PTRH2: variants seen among roughly 807,000 people sequenced by gnomAD.
PTRH2 encodes peptidyl-tRNA hydrolase 2, mitochondrial.
Under a neutral mutation model 12.3 loss-of-function variants are expected in PTRH2, and 10 were observed. That is an observed-to-expected ratio of 0.81 (90% CI 0.50 to 1.38). The LOEUF is 1.38. Among genes scored for constraint, PTRH2 ranks in the 40% most tolerant of loss-of-function variants. PTRH2 has a pLI of 0.00. For missense variants in PTRH2, 176 were observed against 214.1 expected (o/e 0.82, Z 1.11); for synonymous variants, 73 against 77.4 (o/e 0.94, Z 0.30).
rs2033506414 is a variant in PTRH2, at chr17:59,699,040, GTT to G, written c.1-1064_1-1063del. 6.7e-6 allele frequency: 4 copies of G among 601,360 alleles called. No homozygotes were observed. The East Asian group carries it at 1.1e-4, about 17-fold the overall frequency. 37.3% of individuals were successfully genotyped at this position (601,360 alleles called of 1,614,324 possible). On this transcript the variant is annotated intron_variant, in intron 1 of 1. Coordinates refer to ENST00000393038, the MANE Select transcript of PTRH2 (RefSeq NM_016077.5). The stretch of plus-strand genomic sequence containing the variant: ...ATTGGGACATCAACACTAGTTGATG[GTT>G]TAGCAAGCATAGTGTTGTTCTTCAG...
chr17:59,698,670 C>T (rs2033496812), intron 1 of PTRH2: 2 of 536,068 alleles, frequency 3.7e-6, no homozygotes, highest in African/African-American at 1.9e-5. Flanking sequence ...ATTGAAAATA[C>T]TGTAAGCCAA....
At chr17:59,698,210 T>C (rs1285868902) in intron 1 of PTRH2, 1 of 537,472 alleles carries the variant, frequency 1.9e-6, no homozygotes, top group Non-Finnish European at 3.3e-6. Context: ...TGAATCTTGA[T>C]GTAAACGAAG....
At position 59,697,719 on chromosome 17, in the gene PTRH2, G is replaced by C. The variant is rs777157358; in HGVS notation, c.260C>G (p.Ser87Cys). ...MGKGKVAAQC[S>C]HAAVSAYKQI... is the part of the protein sequence containing the mutation. Reference sequence around the variant, plus strand: ...CTTGTAGGCTGAAACAGCAGCATGAGAGCACTGGGCAGCCACTTTCCCTTT... The same window carrying C: ...CTTGTAGGCTGAAACAGCAGCATGACAGCACTGGGCAGCCACTTTCCCTTT... Residue 87 changes from serine to cysteine, a missense_variant, in exon 2 of 2, where the codon TCT (serine) becomes TGT (cysteine). Ser to Cys is a moderately radical substitution (Grantham distance 112). Transcript: ENST00000393038. 2 of 1,614,178 alleles carry C rather than the reference G, an allele frequency of 1.2e-6. No homozygotes were observed. The highest frequency in any genetic ancestry group is 1.7e-6 in the Non-Finnish European group (2 of 1,180,036).
chr17:59,697,887 C>T lies in PTRH2; in HGVS notation c.92G>A (p.Trp31Ter), dbSNP rs1412981251. Residue 31 changes from tryptophan to a stop codon, truncating the protein, a stop_gained, in exon 2 of 2, where the codon TGG (tryptophan) becomes TAG (stop). Transcript: ENST00000393038. LOFTEE classifies it high-confidence loss of function. ...VGVACGMCLG[W>*]SLRVCFGMLP... The stretch of plus-strand genomic sequence containing the variant: ...CATCCCAAAGCATACTCGAAGGCTC[C>T]AGCCCAGGCACATGCCACAAGCAAC... 1 of 1,614,150 alleles carries T rather than the reference C, an allele frequency of 6.2e-7. No individual in the cohort carries two copies. The highest frequency in any genetic ancestry group is 8.5e-7 in the Non-Finnish European group (1 of 1,180,010).
Position 59,697,677 on chromosome 17 carries a change from T to TGA in PTRH2, c.301_302insTC (p.Asn101IlefsTer27), listed in dbSNP as rs1161600835. On this transcript the variant is annotated frameshift_variant, in exon 2 of 2. Transcript: ENST00000393038. LOFTEE classifies it high-confidence loss of function. ...TTCCCATTGTTTGAGCATTTCAGGA[T>TGA]TTCTTCTTTGAATCTGCTTGTAGGC... 6.2e-7 allele frequency: 1 copy of TGA among 1,614,214 alleles called. No homozygotes were observed. Among genetic ancestry groups the TGA allele is most frequent in the Non-Finnish European group, 8.5e-7 (1 of 1,180,038 alleles).
At chr17:59,706,673 TTC>T (rs1487019767) in intron 1 of PTRH2, among the ~76,000 whole-genome samples, 3 of 47,588 alleles carry the variant, frequency 6.3e-5, no homozygotes, top group Non-Finnish European at 1.1e-4. Flanking sequence ...AATTTTTTCT[TTC>T]TTTTTTTTTT....
chr17:59,698,709 C>G, intron 1 of PTRH2: 1 of 575,900 alleles, frequency 1.7e-6, no homozygotes, highest in Non-Finnish European at 3.1e-6. Flanking sequence ...TACAGAATAT[C>G]ATGACTTAGC....
intron 1 of PTRH2, among the ~76,000 whole-genome samples, chr17:59,705,179 T>C (rs1346153866): frequency 6.6e-6 from 1 of 152,190 alleles, no homozygotes; most frequent in African/African-American, 2.4e-5. Context: ...ATGTCAGCAA[T>C]TAGGATTCTC....
chr17:59,703,968 C>T (rs575575142), intron 1 of PTRH2, among the ~76,000 whole-genome samples: 11 of 149,316 alleles, frequency 7.4e-5, no homozygotes, highest in South Asian at 4.3e-4. Context: ...CTACCACACC[C>T]GGCTAATTTT....
intron 1 of PTRH2, among the ~76,000 whole-genome samples, chr17:59,706,533 T>C (rs762977112): frequency 1.3e-5 from 2 of 151,832 alleles, no homozygotes; most frequent in African/African-American, 2.4e-5. Context: ...TTCCCAAATC[T>C]TCTCTGACCC....
At position 59,698,152 on chromosome 17, in the gene PTRH2, T is replaced by C. The variant is rs1447374637; in HGVS notation, c.1-174A>G. ...CCAACACCCTCTTGCCCACCACCAG[T>C]GTACTAGAAAAGATTCAAGCATCCA... On this transcript the variant is annotated intron_variant, in intron 1 of 1. Transcript: ENST00000393038. 7.9e-6 allele frequency: 5 copies of C among 631,698 alleles called. No individual in the cohort carries two copies. The African/African-American group carries it at 9.2e-5, about 12-fold the overall frequency. The allele number at this position is 631,698 out of a possible 1,614,324, so 39.1% of individuals were successfully genotyped here. A position where few individuals can be genotyped will look rare whatever the true frequency, so the allele number is the denominator to read the frequency against.
At position 59,703,425 on chromosome 17, in the gene PTRH2, A is replaced by C. The variant is rs546774723; in HGVS notation, c.-1+3946T>G. ...TATAATTATGATCCCCATTTTTCGG[A>C]TGTAGAAAAATGAGGTACACAAGTT... On this transcript the variant is annotated intron_variant, in intron 1 of 1. Transcript: ENST00000393038. Among the ~76,000 whole-genome samples, 5 of 152,224 alleles carry C rather than the reference A, an allele frequency of 3.3e-5. No homozygotes were observed. In the South Asian group the frequency reaches 1.0e-3, roughly 32 times the overall value.
chr17:59,697,485 G>T lies in PTRH2; in HGVS notation c.494C>A (p.Pro165Gln), dbSNP rs765963465. 2 of 1,613,998 alleles carry T rather than the reference G, an allele frequency of 1.2e-6. No individual in the cohort carries two copies. Among genetic ancestry groups the T allele is most frequent in the East Asian group, 2.2e-5 (1 of 44,874 alleles). ...AGTGACTTTGTCAATTAGGTCTGCT[G>T]GTCCTGGCCCAATCCCTAGGACAGT... is the stretch of plus-strand genomic sequence containing the variant. Reference protein sequence around the residue: ...SQTVLGIGPGPADLIDKVTGH... With the variant: ...SQTVLGIGPGQADLIDKVTGH... Residue 165 changes from proline (P) to glutamine (Q), a missense_variant, in exon 2 of 2, where the codon CCA becomes CAA. By Grantham distance (76) the Pro-to-Gln change is moderately conservative. Transcript: ENST00000393038.
At chr17:59,702,865 A>G (rs1407436017) in intron 1 of PTRH2, among the ~76,000 whole-genome samples, 1 of 152,182 alleles carries the variant, frequency 6.6e-6, no homozygotes, top group East Asian at 1.9e-4. Context: ...TATTCAACGA[A>G]TTACATGAGA....
chr17:59,699,473 C>A (rs560043248), intron 1 of PTRH2: 1 of 153,950 alleles, frequency 6.5e-6, no homozygotes, highest in Admixed American at 6.4e-5. Context: ...AGCGCTGGAA[C>A]CATCCATGAC....
chr17:59,699,298 C>T (rs201643263), intron 1 of PTRH2: 16 of 172,828 alleles, frequency 9.3e-5, no homozygotes, highest in African/African-American at 3.3e-4. Context: ...ACTGCCTCAA[C>T]GCCTTTACCT....
In PTRH2 at chr17:59,697,537, G is replaced by A. The variant is rs538467110; in HGVS notation, c.442C>T (p.Arg148Cys). Residue 148 changes from arginine (R) to cysteine (C), a missense_variant, in exon 2 of 2, where the codon CGT (arginine) becomes TGT (cysteine). Physicochemically the swap from Arg to Cys is radical, Grantham distance 180. Coordinates refer to ENST00000393038, the MANE Select transcript of PTRH2 (RefSeq NM_016077.5). Reference protein sequence around the residue: ...LTVSLIQDAGRTQIAPGSQTV... With the variant: ...LTVSLIQDAGCTQIAPGSQTV... Reference sequence around the variant, plus strand: ...TGAGAGCCTGGTGCAATCTGAGTACGTCCAGCATCTTGAATTAAACTTACA... The same window carrying A: ...TGAGAGCCTGGTGCAATCTGAGTACATCCAGCATCTTGAATTAAACTTACA... 48 of 1,614,020 alleles carry A rather than the reference G, an allele frequency of 3.0e-5. No homozygotes were observed. The highest frequency in any genetic ancestry group is 4.4e-5 in the South Asian group (4 of 91,090).
At chr17:59,699,272 G>A (rs1360477025) in intron 1 of PTRH2, 1 of 183,286 alleles carries the variant, frequency 5.5e-6, no homozygotes, top group Non-Finnish European at 1.2e-5. Flanking sequence ...TAGGTGCCGT[G>A]GGTGTAACTT....
intron 1 of PTRH2, among the ~76,000 whole-genome samples, chr17:59,702,876 T>C (rs1207696012): frequency 1.3e-5 from 2 of 152,222 alleles, no homozygotes; most frequent in African/African-American, 2.4e-5. Context: ...TTACATGAGA[T>C]ATTCAACACT....
Sources: allele counts gnomAD v4.1 joint callset (sites outside exome capture counted in the v4.1 genomes callset), GRCh38; gene constraint gnomAD v4.1.1; transcripts MANE v1.5; gene names NCBI Gene and HGNC (gene_info 2026-07-23, HGNC 2026-07-21).